Variants in ARHGEF10L observed in about 807,000 individuals in gnomAD.
ARHGEF10L encodes rho guanine nucleotide exchange factor 10-like protein.
A neutral mutation model predicts 141.2 loss-of-function variants in ARHGEF10L; 69 were observed. The observed-to-expected ratio is 0.49, with a 90% CI of 0.40 to 0.60. The LOEUF (loss-of-function observed/expected upper bound fraction) is 0.60. Among genes scored for constraint, ARHGEF10L ranks in the 20% least tolerant of loss-of-function variants. The pLI, the probability that ARHGEF10L is intolerant of heterozygous loss-of-function variation, is 0.00. For synonymous variants in ARHGEF10L, 711 were observed against 718.5 expected (o/e 0.99, Z 0.17); for missense variants, 1,482 against 1,734.3 (o/e 0.85, Z 2.58).
chr1:17,608,045 G>A, intron 7 of ARHGEF10L, 68 bp downstream of exon 7: 1 of 281,696 alleles, frequency 3.5e-6, no homozygotes, highest in Non-Finnish European at 7.4e-6. Flanking sequence ...GGGAGGGAGG[G>A]AGGGAGCTGG....
intron 21 of ARHGEF10L, among the ~76,000 whole-genome samples, chr1:17,641,764 A>C (rs2061340185): frequency 6.6e-6 from 1 of 152,094 alleles, no homozygotes; most frequent in South Asian, 2.1e-4. Flanking sequence ...AGATCACCTG[A>C]GGTCAGGAGT....
chr1:17,690,593 C>T (rs1246206623), intron 27 of ARHGEF10L, among the ~76,000 whole-genome samples: 1 of 152,254 alleles, frequency 6.6e-6, no homozygotes, highest in African/African-American at 2.4e-5. Flanking sequence ...GCAGACCTCC[C>T]TGAGGCTGAA....
At chr1:17,550,803 G>A (rs1227006285) in intron 1 of ARHGEF10L, among the ~76,000 whole-genome samples, 1 of 152,216 alleles carries the variant, frequency 6.6e-6, no homozygotes, top group East Asian at 1.9e-4. Context: ...CCACAGGGAG[G>A]TGAGCTCTGG....
In ARHGEF10L at chr1:17,654,519, C is replaced by T; in HGVS notation, c.2395-117C>T. ...TCGTGAAGCATGTTGCTTTCCTGGCCCCCACCCACAGGGATTCTAATCCAG... is the reference window on the plus strand; with the variant it reads ...TCGTGAAGCATGTTGCTTTCCTGGCTCCCACCCACAGGGATTCTAATCCAG... On this transcript the variant is annotated intron_variant, in intron 22 of 28. Transcript: ENST00000361221. The surrounding 1 kb of genome is among the most constrained non-coding windows in gnomAD (Gnocchi z 4.3). 1 of 887,118 alleles carries T rather than the reference C, an allele frequency of 1.1e-6. No individual in the cohort carries two copies. Among genetic ancestry groups the T allele is most frequent in the East Asian group, 2.4e-5 (1 of 41,484 alleles). 55.0% of individuals were successfully genotyped at this position (887,118 alleles called of 1,614,324 possible). A position where few individuals can be genotyped will look rare whatever the true frequency, so the allele number is the denominator to read the frequency against.
At chr1:17,592,975 G>A (rs1393280083) in intron 4 of ARHGEF10L, among the ~76,000 whole-genome samples, 1 of 152,138 alleles carries the variant, frequency 6.6e-6, no homozygotes, top group African/African-American at 2.4e-5. Context: ...TGGTTTTTGT[G>A]TTTTCTTTCC....
At chr1:17,655,429 T>C (rs1384520846) in intron 23 of ARHGEF10L, among the ~76,000 whole-genome samples, 1 of 150,498 alleles carries the variant, frequency 6.6e-6, no homozygotes, top group East Asian at 2.0e-4. Flanking sequence ...TCTATCTGTC[T>C]ATCATCTGTC....
intron 4 of ARHGEF10L, 54 bp downstream of exon 4, chr1:17,588,533 C>A (rs1209744658): frequency 1.9e-6 from 3 of 1,609,388 alleles, no homozygotes; most frequent in African/African-American, 2.7e-5. Flanking sequence ...AGACACCGGG[C>A]AGTGGGTGGG....
chr1:17,601,592 T>G (rs890748735), intron 4 of ARHGEF10L, among the ~76,000 whole-genome samples: 1 of 152,162 alleles, frequency 6.6e-6, no homozygotes, highest in Non-Finnish European at 1.5e-5. Flanking sequence ...GCTACAGGCA[T>G]GCACCACCAC....
At chr1:17,520,426 C>T in the ARHGEF10L span, among the ~76,000 whole-genome samples, 84,103 of 152,144 alleles carry the variant, frequency 0.55, 23,824 homozygotes, top group East Asian at 0.74. Flanking sequence ...GCTCCCTTCC[C>T]GGAGGACTGC....
intron 2 of ARHGEF10L, among the ~76,000 whole-genome samples, chr1:17,585,776 T>C (rs1414968353): frequency 1.3e-5 from 2 of 152,176 alleles, no homozygotes; most frequent in Non-Finnish European, 2.9e-5. Flanking sequence ...TGCTGGACCA[T>C]CTGCCCATCT....
the ARHGEF10L span, among the ~76,000 whole-genome samples, chr1:17,517,818 G>A: frequency 6.6e-6 from 1 of 152,092 alleles, no homozygotes; most frequent in Non-Finnish European, 1.5e-5. Flanking sequence ...CCACCTCCAA[G>A]CTTGGCTAAT....
chr1:17,655,962 C>A lies in ARHGEF10L; in HGVS notation c.2565C>A (p.Phe855Leu). The change falls in exon 24 of 29, where the codon TTC becomes TTA. Residue 855 changes from phenylalanine (F) to leucine (L), a missense_variant. Physicochemically the swap from Phe to Leu is conservative, Grantham distance 22. This residue lies in a region of ARHGEF10L where 858 missense variants were observed against 966.3 expected (regional missense o/e 0.89). Coordinates refer to ENST00000361221, the MANE Select transcript of ARHGEF10L (RefSeq NM_018125.4). The stretch of plus-strand genomic sequence containing the variant: ...CCTCGCCCCGCACCGTCAAGTCCTT[C>A]CCACTGGCAGCCCCTGTGCTCTGCA... ...NRPSPRTVKSFPLAAPVLCME... is the reference protein window; with the variant it reads ...NRPSPRTVKSLPLAAPVLCME... 6.4e-7 allele frequency: 1 copy of A among 1,563,416 alleles called. No individual in the cohort carries two copies. Among genetic ancestry groups the A allele is most frequent in the Admixed American group, 1.9e-5 (1 of 53,098 alleles).
At chr1:17,533,715 C>G in the ARHGEF10L span, among the ~76,000 whole-genome samples, 1 of 152,104 alleles carries the variant, frequency 6.6e-6, no homozygotes, top group Non-Finnish European at 1.5e-5. Flanking sequence ...AAATGCCTGT[C>G]CTATTGAACA....
At position 17,580,642 on chromosome 1, in the gene ARHGEF10L, C is replaced by G. The variant is rs745827742; in HGVS notation, c.37+10C>G. The G allele has an allele frequency of 3.7e-6, 6 of 1,614,036 alleles. No individual in the cohort carries two copies. Among genetic ancestry groups the G allele is most frequent in the Non-Finnish European group, 4.2e-6 (5 of 1,180,032 alleles). On this transcript the variant is annotated intron_variant, in intron 2 of 28. Coordinates refer to ENST00000361221, the MANE Select transcript of ARHGEF10L (RefSeq NM_018125.4). ...CCACAGCCTGCCATAGGTACCGTAC[C>G]CAGGGCTTCCTGTCCCTCTCATCCT...
the ARHGEF10L span, among the ~76,000 whole-genome samples, chr1:17,534,625 T>G: frequency 1.3e-5 from 2 of 150,648 alleles, no homozygotes; most frequent in Non-Finnish European, 3.0e-5. Flanking sequence ...AGTCTTGCTC[T>G]GTTGCCCAGG....
chr1:17,553,550 G>C lies in ARHGEF10L; in HGVS notation c.-44+13600G>C, dbSNP rs950900719. ...TAATCCCAGCACTTTGGGAGGCTGA[G>C]GTGGGAGTGTCGCTTGAGCCCTGGA... On this transcript the variant is annotated intron_variant, in intron 1 of 28. Transcript: ENST00000361221. 2.6e-5 allele frequency among the ~76,000 whole-genome samples: 4 copies of C among 152,102 alleles called. No individual in the cohort carries two copies. In the South Asian group the frequency reaches 6.2e-4, roughly 24 times the overall value.
chr1:17,689,479 T>C (rs941483847), intron 27 of ARHGEF10L, among the ~76,000 whole-genome samples: 204 of 758 alleles, frequency 0.27, 14 homozygotes, highest in East Asian at 0.38. Context: ...CCCTGCCTCC[T>C]TCCCCTACCT....
At chr1:17,663,242 G>GA (rs1247540000) in intron 25 of ARHGEF10L, among the ~76,000 whole-genome samples, 6 of 152,172 alleles carry the variant, frequency 3.9e-5, no homozygotes, top group African/African-American at 1.4e-4. Context: ...GCCGACTGGG[G>GA]ATTCATTGCC....
chr1:17,588,347 GC>G, intron 3 of ARHGEF10L, 98 bp from the exon 4 acceptor site: 1 of 1,372,140 alleles, frequency 7.3e-7, no homozygotes, highest in Non-Finnish European at 1.0e-6. Flanking sequence ...GGCCCTGTCT[GC>G]GGCGCCCCTG....
Sources: allele counts gnomAD v4.1 joint callset (sites outside exome capture counted in the v4.1 genomes callset), GRCh38; gene constraint gnomAD v4.1.1; regional missense constraint gnomAD v4.1.1; non-coding constraint Gnocchi (gnomAD v3.1); transcripts MANE v1.5; gene names NCBI Gene and HGNC (gene_info 2026-07-23, HGNC 2026-07-21).